Variants in BACH2 observed in about 807,000 individuals in gnomAD.
BACH2 encodes transcription regulator protein BACH2.
A neutral mutation model predicts 61.8 loss-of-function variants in BACH2; 5 were observed. The observed-to-expected ratio is 0.08, with a 90% CI of 0.04 to 0.17. The LOEUF (loss-of-function observed/expected upper bound fraction) is 0.17, where lower values mean the gene tolerates loss of function less well. Ranked by LOEUF, BACH2 falls within the 10% of genes least tolerant of loss-of-function variation. The pLI is 1.00. For synonymous variants in BACH2, 446 were observed against 440.1 expected, an observed-to-expected ratio of 1.01 and a Z score of -0.17; for missense variants, 824 against 1,091.1, an observed-to-expected ratio of 0.76 and a Z score of 3.45.
At chr6:90,208,615 T>A (rs979588603) in intron 3 of BACH2, among the ~76,000 whole-genome samples, 29 of 152,276 alleles carry the variant, frequency 1.9e-4, no homozygotes, top group African/African-American at 7.0e-4. Flanking sequence ...GGAGTGTAAA[T>A]TAGTTCAACC....
chr6:90,267,059 C>A (rs1269277097), intron 2 of BACH2, among the ~76,000 whole-genome samples: 1 of 151,998 alleles, frequency 6.6e-6, no homozygotes, highest in East Asian at 1.9e-4. Context: ...GTAAGCTGAT[C>A]TTGAAGAAAA....
intron 1 of BACH2, among the ~76,000 whole-genome samples, chr6:90,284,190 C>T (rs532219782): frequency 1.3e-5 from 2 of 152,138 alleles, no homozygotes; most frequent in East Asian, 1.9e-4. Flanking sequence ...GATAGTCTGG[C>T]CAAACTGCAG....
intron 6 of BACH2, among the ~76,000 whole-genome samples, chr6:89,997,665 T>C (rs1776923144): frequency 6.6e-6 from 1 of 152,238 alleles, no homozygotes; most frequent in Non-Finnish European, 1.5e-5. Flanking sequence ...AGTAACTTCC[T>C]GTTTTCCTTA....
At chr6:90,186,366 T>C (rs1768355635) in intron 4 of BACH2, among the ~76,000 whole-genome samples, 1 of 152,200 alleles carries the variant, frequency 6.6e-6, no homozygotes, top group African/African-American at 2.4e-5. Context: ...ACAAAGTTCT[T>C]TTCAGAGTTC....
rs1401371042 is a variant in BACH2 at position 89,929,801 on chromosome 6, T to C, written c.*2607A>G. On this transcript the variant is annotated 3_prime_UTR_variant, in exon 9 of 9. Coordinates refer to ENST00000257749, the MANE Select transcript of BACH2 (RefSeq NM_021813.4). The stretch of plus-strand genomic sequence containing the variant: ...ACATGAGTTGTTACCAGGGTAAACC[T>C]CATGCCAAGAAGCTGGGTTGGACCT... 2 of 152,336 alleles carry C rather than the reference T, an allele frequency of 1.3e-5. No individual in the cohort carries two copies. The highest frequency in any genetic ancestry group is 2.9e-5 in the Non-Finnish European group (2 of 68,050). 9.4% of individuals were successfully genotyped at this position (152,336 alleles called of 1,614,324 possible).
At chr6:90,026,413 GAGTTTCCATGTGA>G (rs1332144590) in intron 5 of BACH2, among the ~76,000 whole-genome samples, 4 of 152,226 alleles carry the variant, frequency 2.6e-5, no homozygotes, top group African/African-American at 9.6e-5. Context: ...TGCTGGGCTT[GAGTTTCCATGTGA>G]AGTCAAGAAG....
intron 4 of BACH2, among the ~76,000 whole-genome samples, chr6:90,172,615 AATAATACTGAATATGTAAGTGT>A (rs1446618786): frequency 6.6e-6 from 1 of 152,134 alleles, no homozygotes; most frequent in East Asian, 1.9e-4. Flanking sequence ...ACTGAAAGAA[AATAATACTGAATATGTAAGTGT>A]ATACCTAGCA....
chr6:90,105,897 C>T (rs1014225316), intron 4 of BACH2, among the ~76,000 whole-genome samples: 4 of 152,180 alleles, frequency 2.6e-5, no homozygotes, highest in Non-Finnish European at 2.9e-5. Context: ...ACTTATCCCA[C>T]ATTACAACTA....
chr6:90,117,416 C>A (rs762223029), intron 4 of BACH2, among the ~76,000 whole-genome samples: 2 of 151,790 alleles, frequency 1.3e-5, no homozygotes, highest in African/African-American at 4.8e-5. Flanking sequence ...CTCCTCAGAA[C>A]CTTTCTGACT....
rs9362712 is a variant in BACH2 at position 90,030,843 on chromosome 6, G to A, written c.-12-21987C>T. ...AATAGAAAAAGAGGGAATCCTCCCT[G>A]ACTCATTTTATGAGGCCAGCATCAT... On this transcript the variant is annotated intron_variant, in intron 5 of 8. Coordinates refer to ENST00000257749, the MANE Select transcript of BACH2 (RefSeq NM_021813.4). Among the ~76,000 whole-genome samples the A allele has an allele frequency of 2.2e-4, 34 of 151,840 alleles. 1 individual carries two copies. In the East Asian group the frequency reaches 5.8e-3, roughly 26 times the overall value.
At chr6:90,091,695 G>A (rs116003047) in intron 4 of BACH2, among the ~76,000 whole-genome samples, 7,637 of 152,120 alleles carry the variant, frequency 0.05, 648 homozygotes, top group African/African-American at 0.17. Flanking sequence ...TCAAATTTCT[G>A]CACCCACTAA....
At chr6:90,245,646 A>G (rs1290874625) in intron 3 of BACH2, among the ~76,000 whole-genome samples, 1 of 152,254 alleles carries the variant, frequency 6.6e-6, no homozygotes, top group Non-Finnish European at 1.5e-5. Flanking sequence ...GTAGGTAAAC[A>G]TAGCCTTTAT....
At position 89,975,498 on chromosome 6, in the gene BACH2, T is replaced by C. The variant is rs545395085; in HGVS notation, c.244-23636A>G. Among the ~76,000 whole-genome samples, 4 of 152,344 alleles carry C rather than the reference T, an allele frequency of 2.6e-5. No homozygotes were observed. In the South Asian group the frequency reaches 8.3e-4, roughly 32 times the overall value. ...TTTGTTTCTCAGACTCTCACATCTT[T>C]GCAATTTTGCTCAAGTTACCTTCAT... is the stretch of plus-strand genomic sequence containing the variant. On this transcript the variant is annotated intron_variant, in intron 6 of 8. Coordinates refer to ENST00000257749, the MANE Select transcript of BACH2 (RefSeq NM_021813.4).
intron 4 of BACH2, among the ~76,000 whole-genome samples, chr6:90,093,399 C>G (rs1782252341): frequency 6.6e-6 from 1 of 152,128 alleles, no homozygotes; most frequent in Non-Finnish European, 1.5e-5. Context: ...ACTTAGGCCT[C>G]TACTAATGCT....
At chr6:90,123,471 T>C (rs1013742964) in intron 4 of BACH2, among the ~76,000 whole-genome samples, 1 of 152,148 alleles carries the variant, frequency 6.6e-6, no homozygotes, top group African/African-American at 2.4e-5. Context: ...TAGGACAGCT[T>C]ATAAGAAGAC....
chr6:90,296,182 C>T (rs1193889373), intron 1 of BACH2, among the ~76,000 whole-genome samples: 7 of 152,026 alleles, frequency 4.6e-5, no homozygotes, highest in Non-Finnish European at 7.4e-5. Context: ...TGTTCCAAAA[C>T]ACCCTTCGAC....
At chr6:90,202,875 C>T (rs12209546) in intron 4 of BACH2, among the ~76,000 whole-genome samples, 65,983 of 151,958 alleles carry the variant, frequency 0.43, 16,042 homozygotes, top group South Asian at 0.56. Flanking sequence ...ATGCACTGAA[C>T]GTACACCATC....
intron 4 of BACH2, among the ~76,000 whole-genome samples, chr6:90,140,592 G>A (rs557125310): frequency 7.9e-5 from 12 of 152,192 alleles, no homozygotes; most frequent in Admixed American, 7.2e-4. Flanking sequence ...CTGAGCCCAG[G>A]TGGTAGCAAA....
intron 4 of BACH2, among the ~76,000 whole-genome samples, chr6:90,148,427 T>G (rs144255943): frequency 6.6e-6 from 1 of 152,318 alleles, no homozygotes; most frequent in East Asian, 1.9e-4. Context: ...TTCAAGGATA[T>G]CTGAAAAGAT....
Sources: allele counts gnomAD v4.1 joint callset (sites outside exome capture counted in the v4.1 genomes callset), GRCh38; gene constraint gnomAD v4.1.1; transcripts MANE v1.5; gene names NCBI Gene and HGNC (gene_info 2026-07-23, HGNC 2026-07-21).